RNASEL: variants seen among roughly 807,000 people sequenced by gnomAD.
RNASEL encodes 2-5A-dependent ribonuclease.
A neutral mutation model predicts 50.9 loss-of-function variants in RNASEL; 36 were observed. That is an observed-to-expected ratio of 0.71 (90% CI 0.54 to 0.93). The LOEUF is 0.93. Among genes scored for constraint, RNASEL ranks in the 40% least tolerant of loss-of-function variants. The pLI is 0.00. For synonymous variants in RNASEL, 335 were observed against 335.6 expected, an observed-to-expected ratio of 1.00 and a Z score of 0.02; for missense variants, 860 against 894.5, an observed-to-expected ratio of 0.96 and a Z score of 0.49.
At chr1:182,582,764 C>T (rs1445781319) in intron 3 of RNASEL, among the ~76,000 whole-genome samples, 1 of 152,166 alleles carries the variant, frequency 6.6e-6, no homozygotes, top group African/African-American at 2.4e-5. Context: ...CACTAGCCAC[C>T]AGTCAAGGAG....
intron 1 of RNASEL, among the ~76,000 whole-genome samples, chr1:182,587,419 T>C (rs927347670): frequency 2.0e-5 from 3 of 152,096 alleles, no homozygotes; most frequent in African/African-American, 4.8e-5. Context: ...TTAAAAAATC[T>C]AAATGATGTT....
At chr1:182,580,912 T>C (rs899913037) in intron 5 of RNASEL, among the ~76,000 whole-genome samples, 8 of 151,954 alleles carry the variant, frequency 5.3e-5, no homozygotes, top group Non-Finnish European at 8.8e-5. Flanking sequence ...CGTGCCATAA[T>C]GGCAATAGGA....
Position 182,579,905 on chromosome 1 carries a change from A to T in RNASEL, c.1905+1320T>A, listed in dbSNP as rs1244842278. ...CTTCATGTAGTGGTGTGGCTTAAGC[A>T]CATGGCCTCTGCAGCCATCCTTCCC... On this transcript the variant is annotated intron_variant, in intron 5 of 6. Transcript: ENST00000367559. 8.5e-6 allele frequency: 4 copies of T among 469,710 alleles called. No homozygotes were observed. In the East Asian group the frequency reaches 2.8e-4, roughly 33 times the overall value. The allele number at this position is 469,710 out of a possible 1,614,324, so 29.1% of individuals were successfully genotyped here. A position where few individuals can be genotyped will look rare whatever the true frequency, so the allele number is the denominator to read the frequency against.
At chr1:182,584,947 C>T (rs1185368114) in intron 2 of RNASEL, among the ~76,000 whole-genome samples, 6 of 152,206 alleles carry the variant, frequency 3.9e-5, no homozygotes, top group Non-Finnish European at 8.8e-5. Context: ...GTCCTGACAT[C>T]CTCAACTTTG....
chr1:182,579,244 C>T (rs672018), intron 5 of RNASEL: 984,906 of 985,588 alleles, frequency 1, 492,113 homozygotes, highest in East Asian at 1. Flanking sequence ...AGGTTACTTG[C>T]TTCTCCTTGC....
At chr1:182,583,472 G>A (rs1661532792) in intron 3 of RNASEL, among the ~76,000 whole-genome samples, 1 of 152,218 alleles carries the variant, frequency 6.6e-6, no homozygotes, top group African/African-American at 2.4e-5. Flanking sequence ...AATGAACTGT[G>A]ACGGTTAATA....
chr1:182,579,435 A>G, intron 5 of RNASEL: 2 of 996,602 alleles, frequency 2.0e-6, no homozygotes, highest in Non-Finnish European at 2.4e-6. Flanking sequence ...GTAACTGATG[A>G]AAGAGCAATG....
chr1:182,575,150 A>G lies in RNASEL; in HGVS notation c.*242T>C. ...GGCACTCATTCTTTTGGTGCAATTGACAAAAGGAATCTTAGCAGAATGTCC... is the reference window on the plus strand; with the variant it reads ...GGCACTCATTCTTTTGGTGCAATTGGCAAAAGGAATCTTAGCAGAATGTCC... On this transcript the variant is annotated 3_prime_UTR_variant, in exon 7 of 7. Coordinates refer to ENST00000367559, the MANE Select transcript of RNASEL (RefSeq NM_021133.4). 1 of 546,896 alleles carries G rather than the reference A, an allele frequency of 1.8e-6. No individual in the cohort carries two copies. Among genetic ancestry groups the G allele is most frequent in the South Asian group, 2.2e-5 (1 of 44,706 alleles). 33.9% of individuals were successfully genotyped at this position (546,896 alleles called of 1,614,324 possible).
At chr1:182,587,577 G>T (rs1571271371) in intron 1 of RNASEL, among the ~76,000 whole-genome samples, 1 of 138,282 alleles carries the variant, frequency 7.2e-6, no homozygotes, top group South Asian at 2.3e-4. Flanking sequence ...TGCTTTCAAT[G>T]TCATATAAAT....
At chr1:182,583,850 T>C (rs1459420992) in intron 3 of RNASEL, among the ~76,000 whole-genome samples, 2 of 152,160 alleles carry the variant, frequency 1.3e-5, no homozygotes, top group African/African-American at 4.8e-5. Flanking sequence ...CTTCCCTACT[T>C]TTGAGGTTTT....
chr1:182,576,900 G>C (rs1237522722), intron 5 of RNASEL: 7 of 150,540 alleles, frequency 4.6e-5, no homozygotes, highest in African/African-American at 1.7e-4. Context: ...TTTTCAAGAC[G>C]GAGTCTCACT....
intron 3 of RNASEL, among the ~76,000 whole-genome samples, chr1:182,583,499 T>A (rs180839384): frequency 6.6e-6 from 1 of 152,082 alleles, no homozygotes; most frequent in Non-Finnish European, 1.5e-5. Context: ...GTCAACTTGA[T>A]TGAGTTGAAG....
intron 1 of RNASEL, among the ~76,000 whole-genome samples, chr1:182,588,940 G>T (rs921217623): frequency 6.6e-6 from 1 of 152,190 alleles, no homozygotes; most frequent in Non-Finnish European, 1.5e-5. Context: ...TGAGTAAGTC[G>T]CAAAGAGATG....
In RNASEL at chr1:182,586,307, C is replaced by G; in HGVS notation, c.500G>C (p.Gly167Ala). The change falls in exon 2 of 7, where the codon GGA becomes GCA. Residue 167 changes from glycine (G) to alanine (A), a missense_variant. Physicochemically the swap from Gly to Ala is moderately conservative, Grantham distance 60. Transcript: ENST00000367559. ...TKEDQERLRK[G>A]GATALMDAAE... is the part of the protein sequence containing the mutation. The stretch of plus-strand genomic sequence containing the variant: ...AGCGTCCATGAGAGCTGTGGCCCCT[C>G]CTTTCCTCAGCCGCTCTTGATCCTC... 1 of 1,614,182 alleles carries G rather than the reference C, an allele frequency of 6.2e-7. No homozygotes were observed. The highest frequency in any genetic ancestry group is 8.5e-7 in the Non-Finnish European group (1 of 1,180,038).
chr1:182,588,980 C>T (rs1458390392), intron 1 of RNASEL, among the ~76,000 whole-genome samples, 187 bp downstream of exon 1: 2 of 152,158 alleles, frequency 1.3e-5, no homozygotes, highest in African/African-American at 4.8e-5. Flanking sequence ...GGATAAATGA[C>T]GTGTGGACTC....
At chr1:182,587,205 G>A (rs2102373234) in intron 1 of RNASEL, among the ~76,000 whole-genome samples, 1 of 152,134 alleles carries the variant, frequency 6.6e-6, no homozygotes, top group Admixed American at 6.5e-5. Context: ...TATTTTTTAA[G>A]ACATTTGGAA....
chr1:182,587,290 CA>C (rs574339118), intron 1 of RNASEL, among the ~76,000 whole-genome samples: 1 of 151,956 alleles, frequency 6.6e-6, no homozygotes, highest in Non-Finnish European at 1.5e-5. Flanking sequence ...TGTGTTATTG[CA>C]AAGTCTTGTA....
At chr1:182,581,648 A>G (rs1206877036) in intron 4 of RNASEL, among the ~76,000 whole-genome samples, 6 of 151,044 alleles carry the variant, frequency 4.0e-5, no homozygotes, top group Admixed American at 2.0e-4. Flanking sequence ...CACTCGGCTA[A>G]CTTTTGTATT....
At position 182,573,745 on chromosome 1, in the gene RNASEL, C is replaced by T. The variant is rs1213788018; in HGVS notation, c.*1647G>A. On this transcript the variant is annotated 3_prime_UTR_variant, in exon 7 of 7. Transcript: ENST00000367559. ...CAAAGCTTCATTTTAAAAGTTAAAG[C>T]AATCTTGCTGCTCATAAAGTATTTT... 5.4e-6 allele frequency: 1 copy of T among 184,018 alleles called. No individual in the cohort carries two copies. Among genetic ancestry groups the T allele is most frequent in the Non-Finnish European group, 1.2e-5 (1 of 86,724 alleles). The allele number at this position is 184,018 out of a possible 1,614,324, so 11.4% of individuals were successfully genotyped here.
Sources: gnomAD v4.1 joint callset for allele counts (sites outside exome capture counted in the v4.1 genomes callset) on GRCh38, gnomAD v4.1.1 for gene constraint, MANE v1.5 for transcripts, NCBI Gene and HGNC (gene_info 2026-07-23, HGNC 2026-07-21) for gene names.